Variants in IPO9 observed in about 807,000 individuals in gnomAD.
The protein encoded by IPO9 is importin-9.
Under a neutral mutation model 128.6 loss-of-function variants are expected in IPO9, and 28 were observed. The observed-to-expected ratio is 0.22, with a 90% CI of 0.16 to 0.30. IPO9 has a LOEUF of 0.30. IPO9 is among the 10% of genes least tolerant of loss of function. IPO9 has a pLI of 1.00. For missense variants in IPO9, 935 were observed against 1,293.9 expected, an observed-to-expected ratio of 0.72 and a Z score of 4.26; for synonymous variants, 455 against 475.8, an observed-to-expected ratio of 0.96 and a Z score of 0.57.
In IPO9 at chr1:201,858,965, A is replaced by G. The variant is rs367684741; in HGVS notation, c.1439A>G (p.Asn480Ser). ...IHFDMHGFLT[N>S]VILADLNLSV... The stretch of plus-strand genomic sequence containing the variant: ...TTTGACATGCATGGGTTCCTGACCA[A>G]TGTCATCCTTGCAGACCTCAACCTC... Residue 480 changes from asparagine to serine, a missense_variant, in exon 13 of 24, where the codon AAT becomes AGT. Coordinates refer to ENST00000361565, the MANE Select transcript of IPO9 (RefSeq NM_018085.5). 23 of 1,611,730 alleles carry G rather than the reference A, an allele frequency of 1.4e-5. No homozygotes were observed. The highest frequency in any genetic ancestry group is 9.4e-5 in the African/African-American group (7 of 74,842).
At position 201,829,305 on chromosome 1, in the gene IPO9, C is replaced by T. The variant is rs1679782092; in HGVS notation, c.96C>T (p.Ile32=). ...CGTTAGTGGATACGCTCACCGGGAT[C>T]CTATCCCCAGTACAGGAGGTGCGGG... is the stretch of plus-strand genomic sequence containing the variant. ...KEALVDTLTG[I]LSPVQEVRAA... The change falls in exon 1 of 24, where the codon ATC becomes ATT. Residue 32 remains isoleucine, a synonymous_variant. Coordinates refer to ENST00000361565, the MANE Select transcript of IPO9 (RefSeq NM_018085.5). 1 of 1,597,578 alleles carries T rather than the reference C, an allele frequency of 6.3e-7. No individual in the cohort carries two copies. The highest frequency in any genetic ancestry group is 1.7e-4 in the Middle Eastern group (1 of 5,960).
chr1:201,870,025 C>G lies in IPO9; in HGVS notation c.2133+307C>G, dbSNP rs1419820175. On this transcript the variant is annotated intron_variant, in intron 17 of 23. Transcript: ENST00000361565. This position sits in a 1 kb window ranked among gnomAD's most constrained non-coding sequence, Gnocchi z 4.9. ...AAGAAAGTCTTTCTGCATATTTCTT[C>G]TAGTAATAAAGTCAGCAGAGTGATG... 6.6e-6 allele frequency among the ~76,000 whole-genome samples: 1 copy of G among 152,170 alleles called. No individual in the cohort carries two copies. Among genetic ancestry groups the G allele is most frequent in the Non-Finnish European group, 1.5e-5 (1 of 68,026 alleles).
intron 1 of IPO9, among the ~76,000 whole-genome samples, chr1:201,829,830 C>T (rs904926214): frequency 2.0e-5 from 3 of 152,134 alleles, no homozygotes; most frequent in Non-Finnish European, 2.9e-5. Flanking sequence ...GCTATCAAAG[C>T]TTAATAGATG....
Position 201,854,059 on chromosome 1 carries a change from C to T in IPO9, c.691-536C>T, listed in dbSNP as rs115436397. Among the ~76,000 whole-genome samples the T allele has an allele frequency of 6.8e-3, 1,034 of 152,126 alleles. 18 individuals are homozygous for T. The highest frequency in any genetic ancestry group is 0.023 in the African/African-American group (965 of 41,488). On this transcript the variant is annotated intron_variant, in intron 6 of 23. Coordinates refer to ENST00000361565, the MANE Select transcript of IPO9 (RefSeq NM_018085.5). Reference sequence around the variant, plus strand: ...CCTAATGAATTTATATTTGTAGAGACGGGGTCTCTCCCTATGTTGCCCAGG... The same window carrying T: ...CCTAATGAATTTATATTTGTAGAGATGGGGTCTCTCCCTATGTTGCCCAGG...
At chr1:201,865,460 CA>C (rs1384605911) in intron 14 of IPO9, among the ~76,000 whole-genome samples, 1 of 152,036 alleles carries the variant, frequency 6.6e-6, no homozygotes, top group East Asian at 1.9e-4. Flanking sequence ...CGCTCGCCCC[CA>C]CCTCCCAAAG....
At chr1:201,855,245 G>T in intron 9 of IPO9, 63 bp downstream of exon 9, 1 of 1,032,640 alleles carries the variant, frequency 9.7e-7, no homozygotes, top group Non-Finnish European at 1.5e-6. Flanking sequence ...AGAAGCCAGA[G>T]ATGGGGGCGG....
chr1:201,855,972 T>C (rs1680321356), intron 10 of IPO9, 38 bp downstream of exon 10: 1 of 1,509,692 alleles, frequency 6.6e-7, no homozygotes, highest in Non-Finnish European at 8.9e-7. Flanking sequence ...ATCTTGTATT[T>C]GGAAAGTGCA....
intron 1 of IPO9, among the ~76,000 whole-genome samples, chr1:201,841,912 A>G (rs1407723556): frequency 6.6e-6 from 1 of 152,242 alleles, no homozygotes; most frequent in Admixed American, 6.5e-5. Context: ...CTCTGCTCTC[A>G]CACTACAACA....
At chr1:201,856,332 T>A (rs1323094653) in intron 10 of IPO9, among the ~76,000 whole-genome samples, 3 of 152,070 alleles carry the variant, frequency 2.0e-5, no homozygotes, top group African/African-American at 7.2e-5. Flanking sequence ...TTTAGGAGAA[T>A]CTGTTCCTTC....
Position 201,874,909 on chromosome 1 carries a change from T to C in IPO9, c.2911T>C (p.Ser971Pro). The C allele has an allele frequency of 6.2e-7, 1 of 1,612,876 alleles. No individual in the cohort carries two copies. The highest frequency in any genetic ancestry group is 8.5e-7 in the Non-Finnish European group (1 of 1,178,848). ...EEDGLAGQLLSDILATSKYEE... is the reference protein window; with the variant it reads ...EEDGLAGQLLPDILATSKYEE... ...GGATGGTTTAGCTGGCCAACTTTTA[T>C]CTGACATTCTTGCTACAAGTAAATA... The change falls in exon 22 of 24, where the codon TCT becomes CCT. Residue 971 changes from serine to proline, a missense_variant. Transcript: ENST00000361565.
intron 22 of IPO9, 27 bp downstream of exon 22, chr1:201,874,963 A>G (rs2102891680): frequency 3.9e-6 from 6 of 1,520,250 alleles, no homozygotes; most frequent in Middle Eastern, 1.7e-4. Flanking sequence ...GAGGACAGCC[A>G]TGGTAAATAC....
chr1:201,856,129 CTT>C (rs35980892), intron 10 of IPO9, among the ~76,000 whole-genome samples, 195 bp downstream of exon 10: 3 of 123,148 alleles, frequency 2.4e-5, no homozygotes, highest in East Asian at 2.3e-4. Flanking sequence ...CCATACCTGG[CTT>C]TTTTTTTTTT....
chr1:201,855,807 T>C lies in IPO9; in HGVS notation c.995T>C (p.Leu332Pro). 6.2e-7 allele frequency: 1 copy of C among 1,610,558 alleles called. No homozygotes were observed. The highest frequency in any genetic ancestry group is 8.5e-7 in the Non-Finnish European group (1 of 1,179,332). Residue 332 changes from leucine (L) to proline (P), a missense_variant, in exon 10 of 24, where the codon CTC (leucine) becomes CCC (proline). Leu to Pro is a moderately conservative substitution (Grantham distance 98). Around this residue, in one of 3 missense-constraint regions of IPO9, gnomAD observed 741 missense variants for 1,019.1 expected, o/e 0.73. Transcript: ENST00000361565. ...SDGEVLGFEN[L>P]VFSIFEFVHA... ...GGTGAAGTCCTGGGCTTTGAAAATC[T>C]CGTCTTTAGCATTTTTGAATTTGTC...
chr1:201,842,450 G>T (rs1245525964), intron 1 of IPO9, among the ~76,000 whole-genome samples: 1 of 151,968 alleles, frequency 6.6e-6, no homozygotes, highest in Non-Finnish European at 1.5e-5. Context: ...GGGTGGGATG[G>T]GGGGATGAAA....
intron 13 of IPO9, 119 bp from the exon 14 acceptor site, chr1:201,863,329 G>A (rs759353060): frequency 1.0e-6 from 1 of 999,256 alleles, no homozygotes. Flanking sequence ...TCCATCCTGG[G>A]TGACAGAGTG....
At chr1:201,869,229 T>A (rs1205204044) in intron 16 of IPO9, among the ~76,000 whole-genome samples, 1 of 152,132 alleles carries the variant, frequency 6.6e-6, no homozygotes, top group Non-Finnish European at 1.5e-5. Context: ...CCAGCCTGGG[T>A]GACAGAGCGA....
chr1:201,858,280 TA>T (rs1403892283), intron 11 of IPO9, among the ~76,000 whole-genome samples, 166 bp from the exon 12 acceptor site: 1 of 152,232 alleles, frequency 6.6e-6, no homozygotes, highest in African/African-American at 2.4e-5. Context: ...TTAATTTCAT[TA>T]GAGACCCTGA....
intron 22 of IPO9, 34 bp from the exon 23 acceptor site, chr1:201,875,111 GCCTTTGT>G: frequency 1.3e-6 from 2 of 1,568,014 alleles, no homozygotes; most frequent in Non-Finnish European, 1.8e-6. Flanking sequence ...CTGATCATGG[GCCTTTGT>G]CCTGACCCGC....
chr1:201,873,318 G>A (rs886760409), intron 20 of IPO9, among the ~76,000 whole-genome samples: 7 of 151,892 alleles, frequency 4.6e-5, no homozygotes, highest in African/African-American at 9.7e-5. Context: ...GGTGGTGGGC[G>A]CCTGTAATCC....
Sources: gnomAD v4.1 joint callset for allele counts (sites outside exome capture counted in the v4.1 genomes callset) on GRCh38, gnomAD v4.1.1 for gene constraint, gnomAD v4.1.1 regional missense constraint, Gnocchi (gnomAD v3.1) non-coding constraint, MANE v1.5 for transcripts, NCBI Gene and HGNC (gene_info 2026-07-23, HGNC 2026-07-21) for gene names.